The following ZMAT4 variants were observed in gnomAD, a reference collection of about 807,000 sequenced individuals.
ZMAT4 encodes zinc finger matrin-type 4.
ZMAT4 carries 17 observed loss-of-function variants against 28.7 expected under a neutral mutation model. That is an observed-to-expected ratio of 0.59 (90% confidence interval 0.41 to 0.89). The LOEUF (loss-of-function observed/expected upper bound fraction) is 0.89. Ranked by LOEUF, ZMAT4 falls within the 40% of genes least tolerant of loss-of-function variation. ZMAT4 has a pLI of 0.00. For missense variants in ZMAT4, 240 were observed against 283.8 expected (o/e 0.85, Z 1.11); for synonymous variants, 117 against 109.2 (o/e 1.07, Z -0.44).
intron 1 of ZMAT4, among the ~76,000 whole-genome samples, chr8:40,890,712 C>T (rs1818638144): frequency 6.6e-6 from 1 of 152,178 alleles, no homozygotes; most frequent in African/African-American, 2.4e-5. Flanking sequence ...CCCCTCCCTC[C>T]CTACCTGGTG....
Position 40,705,456 on chromosome 8 carries a change from A to G in ZMAT4, c.193-8055T>C, listed in dbSNP as rs902103563. 3.3e-5 allele frequency among the ~76,000 whole-genome samples: 5 copies of G among 152,326 alleles called. No individual in the cohort carries two copies. In the East Asian group the frequency reaches 5.8e-4, roughly 18 times the overall value. On this transcript the variant is annotated intron_variant, in intron 3 of 6. Coordinates refer to ENST00000297737, the MANE Select transcript of ZMAT4 (RefSeq NM_024645.3). ...TGTGCTTATTTACTATCTGTCTCTGACCACTATTCAATATTGTACACTCAG... is the reference window on the plus strand; with the variant it reads ...TGTGCTTATTTACTATCTGTCTCTGGCCACTATTCAATATTGTACACTCAG...
At chr8:40,778,142 A>G (rs1348013042) in intron 2 of ZMAT4, among the ~76,000 whole-genome samples, 4 of 152,232 alleles carry the variant, frequency 2.6e-5, no homozygotes, top group Admixed American at 2.6e-4. Flanking sequence ...TTAACTAAAC[A>G]AACAAAATTG....
intron 6 of ZMAT4, among the ~76,000 whole-genome samples, chr8:40,570,093 C>T (rs1804045456): frequency 6.6e-6 from 1 of 152,048 alleles, no homozygotes; most frequent in South Asian, 2.1e-4. Context: ...TTAATGTGAA[C>T]AACTCTCAAA....
chr8:40,536,224 G>A (rs1386280241), intron 6 of ZMAT4, among the ~76,000 whole-genome samples: 1 of 152,074 alleles, frequency 6.6e-6, no homozygotes, highest in African/African-American at 2.4e-5. Context: ...CGTTTTCCCT[G>A]GCCAGTTCCT....
At chr8:40,816,047 G>C (rs536814090) in intron 2 of ZMAT4, among the ~76,000 whole-genome samples, 91 of 152,154 alleles carry the variant, frequency 6.0e-4, no homozygotes, top group African/African-American at 2.1e-3. Flanking sequence ...CAGCATCACA[G>C]ATACACAGTG....
rs138014442 is a variant in ZMAT4 at position 40,779,230 on chromosome 8, T to C, written c.103-11500A>G. On this transcript the variant is annotated intron_variant, in intron 2 of 6. Transcript: ENST00000297737. ...TTTCATTCTCTCTTGCCTGCCACCA[T>C]GTAAGACATGCTTTTTGCCTTCCAC... is the stretch of plus-strand genomic sequence containing the variant. 2.6e-3 allele frequency among the ~76,000 whole-genome samples: 394 copies of C among 152,306 alleles called. 4 individuals are homozygous for C. Among genetic ancestry groups the C allele is most frequent in the African/African-American group, 8.9e-3 (372 of 41,574 alleles).
intron 3 of ZMAT4, among the ~76,000 whole-genome samples, chr8:40,741,433 C>T (rs560336420): frequency 7.3e-6 from 1 of 136,582 alleles, no homozygotes; most frequent in Non-Finnish European, 1.5e-5. Flanking sequence ...GACGAAAGAG[C>T]GGAAGTCTGT....
intron 1 of ZMAT4, among the ~76,000 whole-genome samples, chr8:40,868,096 A>C (rs1290722788): frequency 1.3e-5 from 2 of 152,180 alleles, no homozygotes; most frequent in Non-Finnish European, 2.9e-5. Flanking sequence ...CATATATATG[A>C]TATATAAATA....
intron 6 of ZMAT4, among the ~76,000 whole-genome samples, chr8:40,556,532 A>G (rs1174768455): frequency 6.6e-6 from 1 of 152,152 alleles, no homozygotes; most frequent in Non-Finnish European, 1.5e-5. Flanking sequence ...TTCTCCACCC[A>G]GTCCTACAAC....
intron 6 of ZMAT4, among the ~76,000 whole-genome samples, chr8:40,576,281 A>C (rs1393351188): frequency 1.3e-5 from 2 of 152,114 alleles, no homozygotes; most frequent in African/African-American, 4.8e-5. Context: ...TATCAAACCT[A>C]CCGAGATACA....
intron 3 of ZMAT4, among the ~76,000 whole-genome samples, chr8:40,756,426 T>TTACATATATATATATATA (rs1812684056): frequency 1.4e-5 from 1 of 73,276 alleles, no homozygotes; most frequent in Non-Finnish European, 2.4e-5. Flanking sequence ...AAATGTTCTT[T>TTACATATATATATATATA]TATATATATA....
At chr8:40,650,827 A>C (rs1807605523) in intron 5 of ZMAT4, among the ~76,000 whole-genome samples, 1 of 151,672 alleles carries the variant, frequency 6.6e-6, no homozygotes, top group Admixed American at 6.6e-5. Context: ...GACAAAAACC[A>C]CATGATTATC....
intron 3 of ZMAT4, among the ~76,000 whole-genome samples, chr8:40,741,287 A>C (rs1285980109): frequency 6.6e-6 from 1 of 152,042 alleles, no homozygotes; most frequent in Non-Finnish European, 1.5e-5. Flanking sequence ...TCTACTAAAA[A>C]AATACAAAGA....
intron 5 of ZMAT4, among the ~76,000 whole-genome samples, chr8:40,657,823 G>A (rs1328176631): frequency 6.6e-6 from 1 of 152,130 alleles, no homozygotes; most frequent in African/African-American, 2.4e-5. Context: ...GTTAAGTGAG[G>A]AATTAATGTA....
intron 5 of ZMAT4, among the ~76,000 whole-genome samples, chr8:40,641,921 C>T (rs991274589): frequency 2.0e-5 from 3 of 151,552 alleles, no homozygotes; most frequent in Non-Finnish European, 2.9e-5. Context: ...AGCGAGAATC[C>T]GTCTAAAATA....
intron 1 of ZMAT4, among the ~76,000 whole-genome samples, chr8:40,892,078 T>C: frequency 6.6e-6 from 1 of 152,150 alleles, no homozygotes; most frequent in Non-Finnish European, 1.5e-5. Flanking sequence ...CACTCTCCAC[T>C]GGGCCACCAC....
rs576548472 is a variant in ZMAT4, at chr8:40,771,847, C to A, written c.103-4117G>T. 2.6e-5 allele frequency among the ~76,000 whole-genome samples: 4 copies of A among 152,286 alleles called. No homozygotes were observed. The East Asian group carries it at 7.7e-4, about 29-fold the overall frequency. Reference sequence around the variant, plus strand: ...CATCTGAAACTGGCTCTTACGTCATCCAAATAAACACAAGCAAAAACACAT... The same window carrying A: ...CATCTGAAACTGGCTCTTACGTCATACAAATAAACACAAGCAAAAACACAT... On this transcript the variant is annotated intron_variant, in intron 2 of 6. Coordinates refer to ENST00000297737, the MANE Select transcript of ZMAT4 (RefSeq NM_024645.3).
At chr8:40,852,297 T>C (rs927475498) in intron 1 of ZMAT4, among the ~76,000 whole-genome samples, 3 of 152,366 alleles carry the variant, frequency 2.0e-5, no homozygotes, top group Non-Finnish European at 2.9e-5. Flanking sequence ...TCCTGCAACT[T>C]TACTTTAAAT....
In ZMAT4 at chr8:40,810,169, A is replaced by G. The variant is rs138095508; in HGVS notation, c.102+15406T>C. ...TGCATGTGTGTGTATGTATATATTCATTGTCTTTAAATTAATTCTTAAACT... is the reference window on the plus strand; with the variant it reads ...TGCATGTGTGTGTATGTATATATTCGTTGTCTTTAAATTAATTCTTAAACT... On this transcript the variant is annotated intron_variant, in intron 2 of 6. Transcript: ENST00000297737. Among the ~76,000 whole-genome samples the G allele has an allele frequency of 5.5e-3, 831 of 152,294 alleles. 11 individuals are homozygous for G. Among genetic ancestry groups the G allele is most frequent in the African/African-American group, 0.019 (782 of 41,554 alleles).
Sources: allele counts gnomAD v4.1 joint callset (sites outside exome capture counted in the v4.1 genomes callset), GRCh38; gene constraint gnomAD v4.1.1; transcripts MANE v1.5; gene names NCBI Gene and HGNC (gene_info 2026-07-23, HGNC 2026-07-21).